PIK3R4: variants seen among roughly 807,000 people sequenced by gnomAD.
PIK3R4 encodes the protein phosphoinositide-3-kinase regulatory subunit 4, also known as phosphoinositide 3-kinase regulatory subunit 4.
Under a neutral mutation model 136.5 loss-of-function variants are expected in PIK3R4, and 46 were observed. The observed-to-expected ratio is 0.34, with a 90% CI of 0.27 to 0.43. The LOEUF is 0.43. Ranked by LOEUF, PIK3R4 falls within the 20% of genes least tolerant of loss-of-function variation. PIK3R4 has a pLI of 1.00. For missense variants in PIK3R4, 1,331 were observed against 1,649.5 expected, an observed-to-expected ratio of 0.81 and a Z score of 3.35; for synonymous variants, 557 against 566.7, an observed-to-expected ratio of 0.98 and a Z score of 0.24.
rs754240206 is a variant in PIK3R4, at chr3:130,733,593, G to A, written c.1405C>T (p.His469Tyr). Residue 469 changes from histidine (H) to tyrosine (Y), a missense_variant, in exon 4 of 20, where the codon CAC becomes TAC. His to Tyr is a moderately conservative substitution (Grantham distance 83). Around this residue, in one of 2 missense-constraint regions of PIK3R4, gnomAD observed 1,180 missense variants for 1,407.0 expected, o/e 0.84. Coordinates refer to ENST00000356763, the MANE Select transcript of PIK3R4 (RefSeq NM_014602.3). ...YPEYILPGIA[H>Y]LAQDDATIVR... ...ATAGTAGCATCATCTTGGGCTAAGT[G>A]GGCTATGCCTGGCAGAATGTATTCC... is the stretch of plus-strand genomic sequence containing the variant. 6.2e-7 allele frequency: 1 copy of A among 1,613,912 alleles called. No individual in the cohort carries two copies. The highest frequency in any genetic ancestry group is 1.7e-5 in the Admixed American group (1 of 60,018).
intron 8 of PIK3R4, among the ~76,000 whole-genome samples, chr3:130,717,007 C>T (rs1352111079): frequency 6.6e-6 from 1 of 152,166 alleles, no homozygotes; most frequent in African/African-American, 2.4e-5. Context: ...ATCACATTTT[C>T]GTGGTAGATT....
At chr3:130,735,392 G>A (rs1216189636) in intron 3 of PIK3R4, among the ~76,000 whole-genome samples, 1 of 152,108 alleles carries the variant, frequency 6.6e-6, no homozygotes, top group South Asian at 2.1e-4. Context: ...ACTAATTTGT[G>A]CTTCTGTAGC....
At chr3:130,708,186 T>TA in intron 10 of PIK3R4, 105 bp downstream of exon 10, 1 of 903,750 alleles carries the variant, frequency 1.1e-6, no homozygotes, top group Non-Finnish European at 1.7e-6. Flanking sequence ...GTAAGTTCTT[T>TA]ATCTGTGAAA....
At chr3:130,684,504 A>T in intron 15 of PIK3R4, 123 bp from the exon 16 acceptor site, 2 of 845,566 alleles carry the variant, frequency 2.4e-6, no homozygotes, top group Non-Finnish European at 3.6e-6. Flanking sequence ...TTCGTTACTT[A>T]AAAAAAAGTT....
chr3:130,714,908 A>G (rs181079685), intron 9 of PIK3R4, among the ~76,000 whole-genome samples: 5 of 152,246 alleles, frequency 3.3e-5, no homozygotes, highest in Admixed American at 6.5e-5. Flanking sequence ...CAATAAACAT[A>G]TATGTGCATG....
At chr3:130,719,884 G>A (rs2066689152) in intron 7 of PIK3R4, among the ~76,000 whole-genome samples, 4 of 152,150 alleles carry the variant, frequency 2.6e-5, no homozygotes, top group African/African-American at 4.8e-5. Context: ...TTGCCCTCTC[G>A]TGCTTCTGCC....
Position 130,707,143 on chromosome 3 carries a change from A to T in PIK3R4, c.2534-8T>A. ...GTTTTACATGTTTTCTGGCTATGAA[A>T]ATATATTCAGAATAGTTAGTCTGAA... On this transcript the variant is annotated splice_polypyrimidine_tract_variant and splice_region_variant and intron_variant, in intron 10 of 19. Transcript: ENST00000356763. 1 of 1,592,392 alleles carries T rather than the reference A, an allele frequency of 6.3e-7. No homozygotes were observed. The highest frequency in any genetic ancestry group is 1.1e-5 in the South Asian group (1 of 88,228).
At chr3:130,694,638 T>C (rs181046516) in intron 13 of PIK3R4, among the ~76,000 whole-genome samples, 4 of 152,248 alleles carry the variant, frequency 2.6e-5, no homozygotes, top group Admixed American at 6.5e-5. Flanking sequence ...TTCTGCAACT[T>C]TGTTGAACTT....
intron 19 of PIK3R4, 88 bp from the exon 20 acceptor site, chr3:130,679,573 T>C (rs2066442302): frequency 1.2e-6 from 1 of 862,146 alleles, no homozygotes; most frequent in Non-Finnish European, 1.8e-6. Context: ...TCTGAGATAC[T>C]GTTGTTGTAT....
chr3:130,690,504 A>G lies in PIK3R4; in HGVS notation c.3249T>C (p.His1083=). Residue 1083 remains histidine (H), a synonymous_variant, in exon 14 of 20, where the codon CAT becomes CAC. Coordinates refer to ENST00000356763, the MANE Select transcript of PIK3R4 (RefSeq NM_014602.3). ...AGATAAGATACCTGCTTTGTAGAGG[A>G]TGGATTTTAGGAGACTTGGGCAGCT... The part of the protein sequence containing the change: ...ASKLPKSPKI[H]PLQSRILDQK... The G allele has an allele frequency of 1.9e-6, 3 of 1,612,000 alleles. No homozygotes were observed. Among genetic ancestry groups the G allele is most frequent in the East Asian group, 2.2e-5 (1 of 44,864 alleles).
Position 130,707,153 on chromosome 3 carries a change from G to T in PIK3R4, c.2534-18C>A. 6.4e-7 allele frequency: 1 copy of T among 1,570,686 alleles called. No individual in the cohort carries two copies. The highest frequency in any genetic ancestry group is 8.7e-7 in the Non-Finnish European group (1 of 1,152,456). On this transcript the variant is annotated intron_variant, in intron 10 of 19. Transcript: ENST00000356763. ...TTTTCTGGCTATGAAAATATATTCAGAATAGTTAGTCTGAAGGTAGCCTTT... is the reference window on the plus strand; with the variant it reads ...TTTTCTGGCTATGAAAATATATTCATAATAGTTAGTCTGAAGGTAGCCTTT...
At chr3:130,738,563 G>A (rs560555649) in intron 2 of PIK3R4, among the ~76,000 whole-genome samples, 3 of 151,996 alleles carry the variant, frequency 2.0e-5, no homozygotes, top group East Asian at 1.9e-4. Flanking sequence ...TAATGGCAAC[G>A]AGCACTAGAT....
rs1259624883 is a variant in PIK3R4 at position 130,718,595 on chromosome 3, A to T, written c.1982-61T>A. ...TTATTTCAAACTATCGGGATAAACA[A>T]ATTTTTACCTTATAACGTAACTGAC... On this transcript the variant is annotated intron_variant, in intron 7 of 19. Coordinates refer to ENST00000356763, the MANE Select transcript of PIK3R4 (RefSeq NM_014602.3). 20 of 1,539,760 alleles carry T rather than the reference A, an allele frequency of 1.3e-5. No individual in the cohort carries two copies. In the Admixed American group the frequency reaches 2.7e-4, roughly 21 times the overall value.
In PIK3R4 at chr3:130,680,923, T is replaced by G. The variant is rs2066454290; in HGVS notation, c.3797+54A>C. 26 of 917,110 alleles carry G rather than the reference T, an allele frequency of 2.8e-5. 1 individual carries two copies. In the South Asian group the frequency reaches 3.9e-4, roughly 14 times the overall value. 56.8% of individuals were successfully genotyped at this position (917,110 alleles called of 1,614,324 possible). A position where few individuals can be genotyped will look rare whatever the true frequency, so the allele number is the denominator to read the frequency against. Reference sequence around the variant, plus strand: ...TAAACATTACAGTGCCATCAGTATCTATAATAACAGCTTGTAAAAGTATCC... The same window carrying G: ...TAAACATTACAGTGCCATCAGTATCGATAATAACAGCTTGTAAAAGTATCC... On this transcript the variant is annotated intron_variant, in intron 18 of 19. Coordinates refer to ENST00000356763, the MANE Select transcript of PIK3R4 (RefSeq NM_014602.3).
intron 2 of PIK3R4, among the ~76,000 whole-genome samples, chr3:130,737,461 A>C (rs2066792445): frequency 2.0e-5 from 3 of 152,168 alleles, no homozygotes; most frequent in Admixed American, 2.0e-4. Flanking sequence ...GGAGTTCGAG[A>C]CCAGCCTGGC....
At chr3:130,699,222 G>A (rs79100752) in intron 13 of PIK3R4, among the ~76,000 whole-genome samples, 141 of 152,256 alleles carry the variant, frequency 9.3e-4, no homozygotes, top group African/African-American at 3.2e-3. Context: ...ACCTCAAGAT[G>A]ACTGCTATGT....
intron 10 of PIK3R4, 58 bp downstream of exon 10, chr3:130,708,233 C>G (rs2066616122): frequency 1.5e-6 from 2 of 1,335,698 alleles, no homozygotes; most frequent in Non-Finnish European, 1.1e-6. Context: ...AGCTAAAAAA[C>G]AGTCTTATGA....
chr3:130,720,431 G>A (rs1421699695), intron 7 of PIK3R4, among the ~76,000 whole-genome samples: 1 of 152,180 alleles, frequency 6.6e-6, no homozygotes, highest in Non-Finnish European at 1.5e-5. Flanking sequence ...CTGACCTCAG[G>A]TGATCCGCCT....
intron 13 of PIK3R4, among the ~76,000 whole-genome samples, chr3:130,701,881 A>G (rs1209246889): frequency 6.6e-6 from 1 of 152,104 alleles, no homozygotes; most frequent in African/African-American, 2.4e-5. Flanking sequence ...CTTGTATCCC[A>G]GCATTTTGGG....
Sources: allele counts gnomAD v4.1 joint callset (sites outside exome capture counted in the v4.1 genomes callset), GRCh38; gene constraint gnomAD v4.1.1; regional missense constraint gnomAD v4.1.1; transcripts MANE v1.5; gene names NCBI Gene and HGNC (gene_info 2026-07-23, HGNC 2026-07-21).